The following MPP4 variants were observed in gnomAD, a reference collection of about 807,000 sequenced individuals.
The protein encoded by MPP4 is MAGUK p55 subfamily member 4.
MPP4 carries 91 observed loss-of-function variants against 98.3 expected under a neutral mutation model. The ratio of observed to expected loss-of-function variants is 0.93; its 90% confidence interval spans 0.78 to 1.10. MPP4 has a LOEUF of 1.10. Ranked by LOEUF, MPP4 falls within the 50% of genes least tolerant of loss-of-function variation. The pLI is 0.00. For synonymous variants in MPP4, 261 were observed against 271.8 expected (o/e 0.96, Z 0.39); for missense variants, 744 against 792.9 (o/e 0.94, Z 0.74).
intron 12 of MPP4, 31 bp downstream of exon 12, chr2:201,669,702 T>A (rs1688286756): frequency 7.2e-7 from 1 of 1,385,692 alleles, no homozygotes; most frequent in Non-Finnish European, 9.5e-7. Flanking sequence ...ACTTTGGAGA[T>A]AAGAGTTTTT....
chr2:201,663,070 A>C (rs1012093036), intron 14 of MPP4, among the ~76,000 whole-genome samples: 2 of 152,248 alleles, frequency 1.3e-5, no homozygotes, highest in Non-Finnish European at 2.9e-5. Context: ...TCGAATAAAC[A>C]GGATACGTGG....
At chr2:201,687,484 C>G in intron 4 of MPP4, 113 bp from the exon 5 acceptor site, 1 of 716,670 alleles carries the variant, frequency 1.4e-6, no homozygotes. Context: ...CTTTAAAAAG[C>G]TATTACTGGA....
At chr2:201,662,429 G>A (rs1383092712) in intron 14 of MPP4, among the ~76,000 whole-genome samples, 1 of 147,026 alleles carries the variant, frequency 6.8e-6, no homozygotes, top group Non-Finnish European at 1.5e-5. Context: ...TGAGCCTGGG[G>A]GATGGAGATT....
At chr2:201,654,961 A>C in intron 17 of MPP4, 44 bp from the exon 18 acceptor site, 1 of 1,272,306 alleles carries the variant, frequency 7.9e-7, no homozygotes, top group Non-Finnish European at 1.1e-6. Context: ...GATGTGGATA[A>C]ATATAATTAT....
chr2:201,664,259 A>G (rs1196493766), intron 13 of MPP4, 158 bp from the exon 14 acceptor site: 5 of 1,485,418 alleles, frequency 3.4e-6, no homozygotes, highest in Non-Finnish European at 4.5e-6. Flanking sequence ...TGGTGTCTCT[A>G]TGGCATATAT....
At chr2:201,669,115 T>C (rs1489932870) in intron 12 of MPP4, among the ~76,000 whole-genome samples, 1 of 93,816 alleles carries the variant, frequency 1.1e-5, no homozygotes, top group South Asian at 5.8e-4. Flanking sequence ...TGTGTGTGTG[T>C]GTGTGTGAGA....
Position 201,690,320 on chromosome 2 carries a change from T to C in MPP4, c.202-41A>G, listed in dbSNP as rs776324575. On this transcript the variant is annotated intron_variant, in intron 3 of 21. Transcript: ENST00000409474. ...GGAGGGAGAATTGATATTGATAATA[T>C]GACTATTGCCATTTTGGATTTAAGA... The C allele has an allele frequency of 4.5e-6, 6 of 1,343,832 alleles. No individual in the cohort carries two copies. The Admixed American group carries it at 9.6e-5, about 22-fold the overall frequency. 83.2% of individuals were successfully genotyped at this position (1,343,832 alleles called of 1,614,324 possible). A position where few individuals can be genotyped will look rare whatever the true frequency, so the allele number is the denominator to read the frequency against.
intron 3 of MPP4, 46 bp from the exon 4 acceptor site, chr2:201,690,325 A>G (rs542325065): frequency 2.3e-6 from 3 of 1,320,230 alleles, no homozygotes; most frequent in Non-Finnish European, 3.2e-6. Context: ...TAATATGACT[A>G]TTGCCATTTT....
intron 16 of MPP4, among the ~76,000 whole-genome samples, chr2:201,657,642 C>T (rs1687894987): frequency 7.6e-6 from 1 of 132,236 alleles, no homozygotes; most frequent in Admixed American, 8.8e-5. Flanking sequence ...ATCAAGAGCA[C>T]TTAAATGTGC....
chr2:201,656,404 G>A, intron 16 of MPP4, 36 bp from the exon 17 acceptor site: 2 of 1,518,534 alleles, frequency 1.3e-6, no homozygotes, highest in Admixed American at 2.1e-5. Flanking sequence ...TAAGAACCAG[G>A]CAGGAGAGAT....
intron 5 of MPP4, among the ~76,000 whole-genome samples, chr2:201,687,040 A>G (rs953042145): frequency 6.6e-6 from 1 of 152,208 alleles, no homozygotes; most frequent in Non-Finnish European, 1.5e-5. Flanking sequence ...ATAGCTTTGT[A>G]GGGGAAACAA....
chr2:201,651,262 C>T (rs1412234534), intron 18 of MPP4: 2 of 985,290 alleles, frequency 2.0e-6, no homozygotes, highest in East Asian at 2.3e-4. Context: ...TCAAGGGGGT[C>T]TAAAAGCAAA....
intron 18 of MPP4, chr2:201,650,567 C>T: frequency 1.0e-6 from 1 of 985,432 alleles, no homozygotes; most frequent in Non-Finnish European, 1.2e-6. Flanking sequence ...CTTCCACACT[C>T]TTACCTTAGG....
chr2:201,658,998 T>A (rs950499527), intron 15 of MPP4, among the ~76,000 whole-genome samples: 1 of 152,076 alleles, frequency 6.6e-6, no homozygotes, highest in Non-Finnish European at 1.5e-5. Flanking sequence ...TGGGTTCAAG[T>A]GATTCTCCTG....
intron 20 of MPP4, among the ~76,000 whole-genome samples, chr2:201,649,166 T>G (rs1687649093): frequency 6.6e-6 from 1 of 152,136 alleles, no homozygotes; most frequent in Non-Finnish European, 1.5e-5. Context: ...GCTGTTTATC[T>G]TACCTTAACT....
At chr2:201,692,610 G>T (rs570448827) in intron 3 of MPP4, among the ~76,000 whole-genome samples, 8 of 151,044 alleles carry the variant, frequency 5.3e-5, no homozygotes, top group South Asian at 2.1e-4. Flanking sequence ...CTGCCCTCAT[G>T]AATATGGAAT....
chr2:201,650,616 T>C, intron 18 of MPP4: 3 of 985,410 alleles, frequency 3.0e-6, no homozygotes, highest in Non-Finnish European at 3.6e-6. Context: ...TAAGAAAAGC[T>C]TTTGGAGAAA....
At chr2:201,667,939 T>C (rs763349311) in intron 12 of MPP4, among the ~76,000 whole-genome samples, 2 of 152,220 alleles carry the variant, frequency 1.3e-5, no homozygotes, top group Non-Finnish European at 2.9e-5. Flanking sequence ...ATTTGTTTAC[T>C]TATATTCATT....
chr2:201,689,378 A>G (rs1367085137), intron 4 of MPP4, among the ~76,000 whole-genome samples: 6 of 152,154 alleles, frequency 3.9e-5, no homozygotes, highest in African/African-American at 1.4e-4. Context: ...CTGAGATGGG[A>G]AGTCATTTGA....
Sources: gnomAD v4.1 joint callset for allele counts (sites outside exome capture counted in the v4.1 genomes callset) on GRCh38, gnomAD v4.1.1 for gene constraint, MANE v1.5 for transcripts, NCBI Gene and HGNC (gene_info 2026-07-23, HGNC 2026-07-21) for gene names.